Variants in ZNF576 observed in about 807,000 individuals in gnomAD.
ZNF576 encodes the protein zinc finger protein 576.
Under a neutral mutation model 10.8 loss-of-function variants are expected in ZNF576, and 9 were observed. The ratio of observed to expected loss-of-function variants is 0.84; its 90% confidence interval spans 0.50 to 1.46. The LOEUF is 1.46. Among genes scored for constraint, ZNF576 ranks in the 40% most tolerant of loss-of-function variants. ZNF576 has a pLI of 0.00. For missense variants in ZNF576, 191 were observed against 233.7 expected (o/e 0.82, Z 1.19); for synonymous variants, 88 against 89.6 (o/e 0.98, Z 0.10).
At chr19:43,597,518 T>G (rs1034218588) in intron 2 of ZNF576, 14 of 251,448 alleles carry the variant, frequency 5.6e-5, no homozygotes, top group Non-Finnish European at 1.0e-4. Context: ...TGGTCCCAAC[T>G]CTGCCCTAGA....
At chr19:43,596,943 A>C in intron 1 of ZNF576, 151 bp from the exon 2 acceptor site, 5 of 615,478 alleles carry the variant, frequency 8.1e-6, no homozygotes, top group Non-Finnish European at 1.4e-5. Context: ...CAAGAACTCC[A>C]TCAATTAGAG....
intron 1 of ZNF576, 151 bp downstream of exon 1, chr19:43,596,894 G>A: frequency 3.8e-6 from 2 of 523,710 alleles, no homozygotes; most frequent in Non-Finnish European, 6.9e-6. Context: ...CCCAAACCCA[G>A]GAAATCCAGT....
chr19:43,598,706 C>T (rs1600080623), intron 2 of ZNF576, 125 bp from the exon 3 acceptor site: 2 of 800,212 alleles, frequency 2.5e-6, no homozygotes, highest in East Asian at 2.6e-5. Flanking sequence ...TTTGGTTGTC[C>T]AGCATTAGCA....
intron 2 of ZNF576, 32 bp from the exon 3 acceptor site, chr19:43,598,799 G>A: frequency 2.0e-6 from 3 of 1,511,754 alleles, no homozygotes; most frequent in Non-Finnish European, 2.7e-6. Context: ...ACTCCTGCTG[G>A]CCTCCCCTGA....
At position 43,598,974 on chromosome 19, in the gene ZNF576, G is replaced by A. The variant is rs772352799; in HGVS notation, c.229G>A (p.Ala77Thr). 10 of 1,613,920 alleles carry A rather than the reference G, an allele frequency of 6.2e-6. No individual in the cohort carries two copies. The African/African-American group carries it at 6.7e-5, about 11-fold the overall frequency. ...GGTCCTCTTCATCTGCTTCACCTGC[G>A]CCCGCTCCTTCCCCTCCTCCAAAGC... Reference protein sequence around the residue: ...QGVLFICFTCARSFPSSKALI... With the variant: ...QGVLFICFTCTRSFPSSKALI... Residue 77 changes from alanine to threonine, a missense_variant, in exon 3 of 3, where the codon GCC (alanine) becomes ACC (threonine). Transcript: ENST00000336564.
Position 43,599,250 on chromosome 19 carries a change from G to A in ZNF576, c.505G>A (p.Glu169Lys), listed in dbSNP as rs1394532152. 1 of 1,612,906 alleles carries A rather than the reference G, an allele frequency of 6.2e-7. No individual in the cohort carries two copies. The highest frequency in any genetic ancestry group is 8.5e-7 in the Non-Finnish European group (1 of 1,179,180). ...HQHYIRHARG[E>K]L ...ACACTACATTCGGCATGCCCGGGGGGAGCTCTGAGTGCAGCTTAAGCCTCT... is the reference window on the plus strand; with the variant it reads ...ACACTACATTCGGCATGCCCGGGGGAAGCTCTGAGTGCAGCTTAAGCCTCT... The change falls in exon 3 of 3, where the codon GAG becomes AAG. Residue 169 changes from glutamate to lysine, a missense_variant. By Grantham distance (56) the Glu-to-Lys change is moderately conservative. Coordinates refer to ENST00000336564, the MANE Select transcript of ZNF576 (RefSeq NM_001145347.2).
At position 43,599,255 on chromosome 19, in the gene ZNF576, C is replaced by G. The variant is rs1973184488; in HGVS notation, c.510C>G (p.Leu170=). ...ACATTCGGCATGCCCGGGGGGAGCTCTGAGTGCAGCTTAAGCCTCTCCACG... is the reference window on the plus strand; with the variant it reads ...ACATTCGGCATGCCCGGGGGGAGCTGTGAGTGCAGCTTAAGCCTCTCCACG... ...QHYIRHARGE[L] Residue 170 remains leucine (L), a synonymous_variant, in exon 3 of 3, where the codon CTC becomes CTG. Coordinates refer to ENST00000336564, the MANE Select transcript of ZNF576 (RefSeq NM_001145347.2). The G allele has an allele frequency of 2.5e-6, 4 of 1,612,380 alleles. No individual in the cohort carries two copies. Among genetic ancestry groups the G allele is most frequent in the Non-Finnish European group, 3.4e-6 (4 of 1,178,864 alleles).
intron 1 of ZNF576, 116 bp from the exon 2 acceptor site, chr19:43,596,978 G>T: frequency 2.7e-6 from 2 of 753,020 alleles, no homozygotes; most frequent in South Asian, 1.6e-5. Context: ...ATGTCGTAGG[G>T]GTCAAAGGCA....
Position 43,597,178 on chromosome 19 carries a change from C to T in ZNF576, c.70C>T (p.Pro24Ser), listed in dbSNP as rs759465823. The change falls in exon 2 of 3, where the codon CCA (proline) becomes TCA (serine). Residue 24 changes from proline (P) to serine (S), a missense_variant. Physicochemically the swap from Pro to Ser is moderately conservative, Grantham distance 74. Coordinates refer to ENST00000336564, the MANE Select transcript of ZNF576 (RefSeq NM_001145347.2). ...DSPKERSPQS[P>S]GGNICHLGAP... ...ACCCAAGGAGAGAAGTCCCCAGAGC[C>T]CAGGAGGCAACATCTGTGAGTACAC... 1 of 1,614,016 alleles carries T rather than the reference C, an allele frequency of 6.2e-7. No individual in the cohort carries two copies. Among genetic ancestry groups the T allele is most frequent in the Non-Finnish European group, 8.5e-7 (1 of 1,179,980 alleles).
chr19:43,599,040 C>T lies in ZNF576; in HGVS notation c.295C>T (p.Pro99Ser). ...GCGCAGCCACGGTCCAGCCGCCAAGCCCACCCTGCCGGTTGCAACCACTAC... is the reference window on the plus strand; with the variant it reads ...GCGCAGCCACGGTCCAGCCGCCAAGTCCACCCTGCCGGTTGCAACCACTAC... ...HQRSHGPAAK[P>S]TLPVATTTAQ... The change falls in exon 3 of 3, where the codon CCC becomes TCC. Residue 99 changes from proline (P) to serine (S), a missense_variant. Pro to Ser is a moderately conservative substitution (Grantham distance 74, BLOSUM62 -1). Coordinates refer to ENST00000336564, the MANE Select transcript of ZNF576 (RefSeq NM_001145347.2). 6.2e-7 allele frequency: 1 copy of T among 1,614,216 alleles called. No homozygotes were observed. Among genetic ancestry groups the T allele is most frequent in the South Asian group, 1.1e-5 (1 of 91,086 alleles).
In ZNF576 at chr19:43,598,863, C is replaced by T; in HGVS notation, c.118C>T (p.Leu40Phe). Residue 40 changes from leucine (L) to phenylalanine (F), a missense_variant, in exon 3 of 3, where the codon CTC (leucine) becomes TTC (phenylalanine). Transcript: ENST00000336564. ...GGGGGCCCCGAAGTGCACCCGCTGC[C>T]TCATCACCTTCGCAGATTCCAAGTT... is the stretch of plus-strand genomic sequence containing the variant. ...HLGAPKCTRC[L>F]ITFADSKFQE... The T allele has an allele frequency of 6.3e-7, 1 of 1,582,854 alleles. No individual in the cohort carries two copies. Among genetic ancestry groups the T allele is most frequent in the Non-Finnish European group, 8.6e-7 (1 of 1,160,124 alleles).
intron 2 of ZNF576, 82 bp from the exon 3 acceptor site, chr19:43,598,749 T>G: frequency 1.8e-6 from 2 of 1,123,948 alleles, no homozygotes; most frequent in Non-Finnish European, 2.6e-6. Context: ...TCAATGTTAA[T>G]TGTTGGTGTG....
chr19:43,599,318 G>C lies in ZNF576; in HGVS notation c.*60G>C, dbSNP rs1973185640. On this transcript the variant is annotated 3_prime_UTR_variant, in exon 3 of 3. Coordinates refer to ENST00000336564, the MANE Select transcript of ZNF576 (RefSeq NM_001145347.2). ...TCTGTGGCTGGTAGGACTCACCCAT[G>C]ATATGGGGTGCAGGAACTCTGGGGG... 26 of 1,528,500 alleles carry C rather than the reference G, an allele frequency of 1.7e-5. No individual in the cohort carries two copies. The highest frequency in any genetic ancestry group is 2.2e-5 in the Non-Finnish European group (25 of 1,127,348). The allele number at this position is 1,528,500 out of a possible 1,614,324, so 94.7% of individuals were successfully genotyped here.
Position 43,599,301 on chromosome 19 carries a change from T to C in ZNF576, c.*43T>C, listed in dbSNP as rs1973185273. On this transcript the variant is annotated 3_prime_UTR_variant, in exon 3 of 3. Transcript: ENST00000336564. ...CCACGGTGACGGGTGGCTCTGTGGC[T>C]GGTAGGACTCACCCATGATATGGGG... is the stretch of plus-strand genomic sequence containing the variant. 1.3e-5 allele frequency: 20 copies of C among 1,571,378 alleles called. No homozygotes were observed. The highest frequency in any genetic ancestry group is 1.7e-5 in the Non-Finnish European group (20 of 1,153,734).
chr19:43,598,868 C>T lies in ZNF576; in HGVS notation c.123C>T (p.Ile41=), dbSNP rs764159825. 6 of 1,586,298 alleles carry T rather than the reference C, an allele frequency of 3.8e-6. No individual in the cohort carries two copies. The highest frequency in any genetic ancestry group is 3.4e-5 in the Admixed American group (2 of 58,768). ...LGAPKCTRCL[I]TFADSKFQER... ...CCCCGAAGTGCACCCGCTGCCTCAT[C>T]ACCTTCGCAGATTCCAAGTTCCAGG... The change falls in exon 3 of 3, where the codon ATC becomes ATT. Residue 41 remains isoleucine, a synonymous_variant. Coordinates refer to ENST00000336564, the MANE Select transcript of ZNF576 (RefSeq NM_001145347.2).
chr19:43,599,372 G>C lies in ZNF576; in HGVS notation c.*114G>C, dbSNP rs1973186378. 9.1e-7 allele frequency: 1 copy of C among 1,099,610 alleles called. No homozygotes were observed. The highest frequency in any genetic ancestry group is 1.6e-5 in the African/African-American group (1 of 63,320). The allele number at this position is 1,099,610 out of a possible 1,614,324, so 68.1% of individuals were successfully genotyped here. A position where few individuals can be genotyped will look rare whatever the true frequency, so the allele number is the denominator to read the frequency against. Reference sequence around the variant, plus strand: ...TGAAGGATTTGCTTCCCTCCCCTGGGAAGGCAGAGGGCTCTTAATAAAGAG... The same window carrying C: ...TGAAGGATTTGCTTCCCTCCCCTGGCAAGGCAGAGGGCTCTTAATAAAGAG... On this transcript the variant is annotated 3_prime_UTR_variant, in exon 3 of 3. Coordinates refer to ENST00000336564, the MANE Select transcript of ZNF576 (RefSeq NM_001145347.2).
chr19:43,597,403 GAT>G, intron 2 of ZNF576: 2 of 534,788 alleles, frequency 3.7e-6, no homozygotes, highest in Non-Finnish European at 3.4e-6. Context: ...ACATAAGCAG[GAT>G]TGCAATGCTT....
Position 43,599,346 on chromosome 19 carries a change from C to A in ZNF576, c.*88C>A. On this transcript the variant is annotated 3_prime_UTR_variant, in exon 3 of 3. Coordinates refer to ENST00000336564, the MANE Select transcript of ZNF576 (RefSeq NM_001145347.2). ...ATGGGGTGCAGGAACTCTGGGGGCC[C>A]TGAAGGATTTGCTTCCCTCCCCTGG... The A allele has an allele frequency of 1.4e-6, 2 of 1,395,014 alleles. No homozygotes were observed. The highest frequency in any genetic ancestry group is 2.5e-5 in the East Asian group (1 of 40,642). 86.4% of individuals were successfully genotyped at this position (1,395,014 alleles called of 1,614,324 possible). A position where few individuals can be genotyped will look rare whatever the true frequency, so the allele number is the denominator to read the frequency against.
chr19:43,599,219 G>C lies in ZNF576; in HGVS notation c.474G>C (p.Leu158=). The change falls in exon 3 of 3, where the codon CTG becomes CTC. Residue 158 remains leucine (L), a synonymous_variant. Transcript: ENST00000336564. ...CGQDFAQEAG[L]HQHYIRHARG... Reference sequence around the variant, plus strand: ...AGGACTTTGCTCAGGAAGCAGGGCTGCATCAACACTACATTCGGCATGCCC... The same window carrying C: ...AGGACTTTGCTCAGGAAGCAGGGCTCCATCAACACTACATTCGGCATGCCC... 2 of 1,614,178 alleles carry C rather than the reference G, an allele frequency of 1.2e-6. No homozygotes were observed. The highest frequency in any genetic ancestry group is 1.7e-6 in the Non-Finnish European group (2 of 1,180,012).
Sources: allele counts gnomAD v4.1 joint callset, GRCh38; gene constraint gnomAD v4.1.1; transcripts MANE v1.5; gene names NCBI Gene and HGNC (gene_info 2026-07-23, HGNC 2026-07-21).